Variants in CPXM2 observed in about 807,000 individuals in gnomAD.
CPXM2 encodes carboxypeptidase X, M14 family member 2, also known as inactive carboxypeptidase-like protein X2.
CPXM2 carries 66 observed loss-of-function variants against 86.1 expected under a neutral mutation model. The observed-to-expected ratio is 0.77, with a 90% CI of 0.63 to 0.94. CPXM2 has a LOEUF of 0.94. CPXM2 is among the 40% of genes least tolerant of loss of function. CPXM2 has a pLI of 0.00. For missense variants in CPXM2, 948 were observed against 1,026.3 expected, an observed-to-expected ratio of 0.92 and a Z score of 1.04; for synonymous variants, 388 against 400.2, an observed-to-expected ratio of 0.97 and a Z score of 0.36.
intron 6 of CPXM2, among the ~76,000 whole-genome samples, chr10:123,790,305 T>A (rs1012502157): frequency 1.7e-4 from 24 of 137,570 alleles, no homozygotes; most frequent in Non-Finnish European, 3.4e-4. Flanking sequence ...TGACTCAGGA[T>A]GGAGCAGGTG....
At chr10:123,861,045 C>T (rs1230079081) in intron 3 of CPXM2, among the ~76,000 whole-genome samples, 1 of 152,120 alleles carries the variant, frequency 6.6e-6, no homozygotes, top group Non-Finnish European at 1.5e-5. Context: ...GAGCTTGGCT[C>T]AGATGCCCCC....
rs575096463 is a variant in CPXM2 at position 123,772,101 on chromosome 10, C to A, written c.979-1062G>T. On this transcript the variant is annotated intron_variant, in intron 7 of 13. Coordinates refer to ENST00000241305, the MANE Select transcript of CPXM2 (RefSeq NM_198148.3). ...ATCAACTCCCTGGTTATGGTGACAT[C>A]TTCCCTGACTGTGGCTATCACCTCC... is the stretch of plus-strand genomic sequence containing the variant. Among the ~76,000 whole-genome samples the A allele has an allele frequency of 1.4e-3, 216 of 152,326 alleles. 2 individuals are homozygous for A. The highest frequency in any genetic ancestry group is 0.01 in the Middle Eastern group (3 of 294).
At chr10:123,926,496 C>T (rs1333714213) in intron 2 of CPXM2, among the ~76,000 whole-genome samples, 1 of 152,204 alleles carries the variant, frequency 6.6e-6, no homozygotes, top group East Asian at 1.9e-4. Context: ...TGTTTTCTCC[C>T]CTTCTTTAGA....
At chr10:123,890,811 T>C (rs966825665) in intron 1 of CPXM2, among the ~76,000 whole-genome samples, 1 of 151,974 alleles carries the variant, frequency 6.6e-6, no homozygotes, top group Non-Finnish European at 1.5e-5. Context: ...GACTCCCCAG[T>C]GGAGGCTGTG....
chr10:123,776,952 A>C (rs1347623568), intron 7 of CPXM2: 1 of 152,164 alleles, frequency 6.6e-6, no homozygotes, highest in South Asian at 2.1e-4. Flanking sequence ...GGAGAAGAGG[A>C]AAGTTCTCTT....
chr10:123,763,743 G>T (rs1288269073), intron 10 of CPXM2, among the ~76,000 whole-genome samples: 20 of 151,944 alleles, frequency 1.3e-4, no homozygotes, highest in Non-Finnish European at 1.5e-4. Flanking sequence ...ACGGGCATTG[G>T]TAATTTTCAA....
intron 7 of CPXM2, among the ~76,000 whole-genome samples, chr10:123,774,326 A>C (rs528307202): frequency 7.3e-4 from 111 of 152,370 alleles, no homozygotes; most frequent in Non-Finnish European, 1.2e-3. Flanking sequence ...GCGTTCTAGC[A>C]AGCTGCCAAA....
intron 2 of CPXM2, among the ~76,000 whole-genome samples, chr10:123,871,605 G>C (rs2134213867): frequency 6.6e-6 from 1 of 152,156 alleles, no homozygotes; most frequent in South Asian, 2.1e-4. Context: ...CATGTAAAAG[G>C]TAACTTTATC....
At chr10:123,800,827 C>T (rs1847441384) in intron 4 of CPXM2, among the ~76,000 whole-genome samples, 2 of 152,178 alleles carry the variant, frequency 1.3e-5, no homozygotes, top group East Asian at 1.9e-4. Flanking sequence ...ATGTTTGAAT[C>T]GTAATTGTTT....
intron 2 of CPXM2, among the ~76,000 whole-genome samples, chr10:123,928,068 T>C (rs767303652): frequency 1.6e-4 from 24 of 152,220 alleles, no homozygotes; most frequent in Non-Finnish European, 2.6e-4. Context: ...ACCTCCTGGC[T>C]GGGGCACCCA....
At chr10:123,824,588 G>T (rs1340751317) in intron 4 of CPXM2, among the ~76,000 whole-genome samples, 3 of 152,180 alleles carry the variant, frequency 2.0e-5, no homozygotes, top group Admixed American at 6.5e-5. Context: ...AGAGCAAGCA[G>T]GGAGATTTGC....
intron 10 of CPXM2, among the ~76,000 whole-genome samples, chr10:123,766,617 T>C (rs750027832): frequency 3.9e-5 from 6 of 152,136 alleles, no homozygotes; most frequent in Non-Finnish European, 7.3e-5. Flanking sequence ...AAATAAAAAA[T>C]AAGATACATT....
Position 123,757,753 on chromosome 10 carries a change from C to T in CPXM2, c.1778-401G>A, listed in dbSNP as rs146941127. Among the ~76,000 whole-genome samples the T allele has an allele frequency of 7.9e-4, 121 of 152,276 alleles. 1 individual carries two copies. Among genetic ancestry groups the T allele is most frequent in the Admixed American group, 3.3e-3 (50 of 15,298 alleles). Reference sequence around the variant, plus strand: ...TATCTCTACAGTTGTGCTGTCTCAGCTATAGCTCTATGACAGTCTTCTATT... The same window carrying T: ...TATCTCTACAGTTGTGCTGTCTCAGTTATAGCTCTATGACAGTCTTCTATT... On this transcript the variant is annotated intron_variant, in intron 11 of 13. Transcript: ENST00000241305.
chr10:123,853,892 G>A (rs61861889), intron 3 of CPXM2, among the ~76,000 whole-genome samples: 3,597 of 152,254 alleles, frequency 0.024, 70 homozygotes, highest in South Asian at 0.088. Flanking sequence ...GCGACAGAGC[G>A]AGGCTCAGTC....
At chr10:123,922,523 T>G (rs1480543852) in intron 2 of CPXM2, among the ~76,000 whole-genome samples, 1 of 152,254 alleles carries the variant, frequency 6.6e-6, no homozygotes, top group Admixed American at 6.5e-5. Flanking sequence ...TGCTGGATTT[T>G]TTGTGATCCT....
intron 4 of CPXM2, among the ~76,000 whole-genome samples, chr10:123,840,792 A>G (rs2176487): frequency 0.14 from 21,799 of 152,246 alleles, 1,759 homozygotes; most frequent in East Asian, 0.33. Context: ...GACAATTGTC[A>G]CTGTATAAGA....
At chr10:123,870,554 C>T (rs766916481) in intron 2 of CPXM2, among the ~76,000 whole-genome samples, 6 of 152,242 alleles carry the variant, frequency 3.9e-5, no homozygotes, top group African/African-American at 7.2e-5. Flanking sequence ...AAGGCAGCTT[C>T]CCAGCACACT....
intron 2 of CPXM2, among the ~76,000 whole-genome samples, chr10:123,875,720 G>A (rs1190449233): frequency 2.0e-5 from 3 of 151,602 alleles, no homozygotes; most frequent in Admixed American, 6.6e-5. Context: ...AGGGAGATGC[G>A]TCAAGCAAGC....
chr10:123,883,531 C>A (rs905394011), intron 1 of CPXM2, among the ~76,000 whole-genome samples: 3 of 152,238 alleles, frequency 2.0e-5, no homozygotes, highest in Non-Finnish European at 4.4e-5. Context: ...CCCTGGCCTG[C>A]AGCCTCACTG....
Sources: gnomAD v4.1 joint callset for allele counts (sites outside exome capture counted in the v4.1 genomes callset) on GRCh38, gnomAD v4.1.1 for gene constraint, MANE v1.5 for transcripts, NCBI Gene and HGNC (gene_info 2026-07-23, HGNC 2026-07-21) for gene names.